Variants in SIVA1 observed in about 807,000 individuals in gnomAD.
SIVA1 encodes apoptosis regulatory protein Siva.
SIVA1 carries 10 observed loss-of-function variants against 19.7 expected under a neutral mutation model. The ratio of observed to expected loss-of-function variants is 0.51; its 90% confidence interval spans 0.31 to 0.86. The LOEUF is 0.86. Ranked by LOEUF, SIVA1 falls within the 40% of genes least tolerant of loss-of-function variation. The pLI, the probability that SIVA1 is intolerant of heterozygous loss-of-function variation, is 0.04. For synonymous variants in SIVA1, 130 were observed against 106.1 expected (o/e 1.23, Z -1.39); for missense variants, 241 against 245.2 (o/e 0.98, Z 0.11).
In SIVA1 at chr14:104,759,603, T is replaced by C. The variant is rs1892018921; in HGVS notation, c.*118T>C. 2.9e-6 allele frequency: 2 copies of C among 696,468 alleles called. No homozygotes were observed. The highest frequency in any genetic ancestry group is 4.9e-6 in the Non-Finnish European group (2 of 406,068). 43.1% of individuals were successfully genotyped at this position (696,468 alleles called of 1,614,324 possible). A position where few individuals can be genotyped will look rare whatever the true frequency, so the allele number is the denominator to read the frequency against. ...GTCGACGGGAGGGGTGCCTTTTACA[T>C]GTTCTATTTTGTATCCTAATGACAG... is the stretch of plus-strand genomic sequence containing the variant. On this transcript the variant is annotated 3_prime_UTR_variant, in exon 4 of 4. Coordinates refer to ENST00000329967, the MANE Select transcript of SIVA1 (RefSeq NM_006427.4). This position sits in a 1 kb window ranked among gnomAD's most constrained non-coding sequence, Gnocchi z 4.2.
In SIVA1 at chr14:104,759,595, C is replaced by T; in HGVS notation, c.*110C>T. ...ACTGTGGGGTCGACGGGAGGGGTGC[C>T]TTTTACATGTTCTATTTTGTATCCT... On this transcript the variant is annotated 3_prime_UTR_variant, in exon 4 of 4. Transcript: ENST00000329967. The surrounding 1 kb of genome is among the most constrained non-coding windows in gnomAD (Gnocchi z 4.2). The T allele has an allele frequency of 1.3e-6, 1 of 767,722 alleles. No individual in the cohort carries two copies. The highest frequency in any genetic ancestry group is 2.2e-6 in the Non-Finnish European group (1 of 461,036). 47.6% of individuals were successfully genotyped at this position (767,722 alleles called of 1,614,324 possible).
chr14:104,757,308 G>A (rs1193120350), intron 3 of SIVA1: 1 of 440,262 alleles, frequency 2.3e-6, no homozygotes, highest in East Asian at 7.6e-5. Flanking sequence ...AGTGGACAGT[G>A]TGGAGCCTGT....
At chr14:104,753,802 C>T (rs1445110809) in intron 1 of SIVA1, 2 of 454,100 alleles carry the variant, frequency 4.4e-6, no homozygotes, top group Non-Finnish European at 8.9e-6. Context: ...GCAGGCAAGA[C>T]AGATGTGCCC....
rs182158343 is a variant in SIVA1 at position 104,753,509 on chromosome 14, G to T, written c.118+190G>T. On this transcript the variant is annotated intron_variant, in intron 1 of 3. Coordinates refer to ENST00000329967, the MANE Select transcript of SIVA1 (RefSeq NM_006427.4). ...GGGCTGGGGTCAGTGAGGGGGATGTGAGGACCCCAGCGTTCGCCCACCCTG... is the reference window on the plus strand; with the variant it reads ...GGGCTGGGGTCAGTGAGGGGGATGTTAGGACCCCAGCGTTCGCCCACCCTG... Among the ~76,000 whole-genome samples the T allele has an allele frequency of 2.3e-3, 353 of 152,296 alleles. 2 individuals carry two copies. Among genetic ancestry groups the T allele is most frequent in the Admixed American group, 4.0e-3 (61 of 15,314 alleles).
rs550067740 is a variant in SIVA1 at position 104,756,645 on chromosome 14, C to T, written c.355C>T (p.Arg119Ter). 16 of 1,614,200 alleles carry T rather than the reference C, an allele frequency of 9.9e-6. No individual in the cohort carries two copies. The Admixed American group carries it at 1.5e-4, about 15-fold the overall frequency. ...GTCCATTGCCTGTTCCTCATGCGTG[C>T]GAGCCGTGGATGGGAAGGCGGTCTG... is the stretch of plus-strand genomic sequence containing the variant. ...VASIACSSCV[R>*]AVDGKAVCGQ... Residue 119 changes from arginine (R) to a stop codon, truncating the protein, a stop_gained, in exon 3 of 4, where the codon CGA (arginine) becomes TGA (stop). Coordinates refer to ENST00000329967, the MANE Select transcript of SIVA1 (RefSeq NM_006427.4). LOFTEE classifies it high-confidence loss of function.
At chr14:104,756,087 C>T (rs1241857467) in intron 2 of SIVA1, 5 of 605,618 alleles carry the variant, frequency 8.3e-6, no homozygotes, top group African/African-American at 1.9e-5. Context: ...CCTGCAGCCC[C>T]CTCAGATAGT....
chr14:104,756,217 T>A (rs1232868609), intron 2 of SIVA1: 11 of 436,024 alleles, frequency 2.5e-5, no homozygotes, highest in Non-Finnish European at 3.4e-5. Context: ...TTGGTGTGTC[T>A]AGGAGGAGCC....
At chr14:104,757,310 G>T (rs1891926740) in intron 3 of SIVA1, 2 of 439,542 alleles carry the variant, frequency 4.6e-6, no homozygotes, top group African/African-American at 4.1e-5. Context: ...TGGACAGTGT[G>T]GAGCCTGTTT....
At chr14:104,753,750 C>T (rs1474360303) in intron 1 of SIVA1, 2 of 453,176 alleles carry the variant, frequency 4.4e-6, no homozygotes, top group South Asian at 1.6e-5. Flanking sequence ...TCATGGAGCG[C>T]GCGGCCCTGC....
In SIVA1 at chr14:104,759,638, AC is replaced by A; in HGVS notation, c.*155del. The A allele has an allele frequency of 1.7e-6, 1 of 573,028 alleles. No homozygotes were observed. The highest frequency in any genetic ancestry group is 3.1e-5 in the East Asian group (1 of 32,572). The allele number at this position is 573,028 out of a possible 1,614,324, so 35.5% of individuals were successfully genotyped here. The stretch of plus-strand genomic sequence containing the variant: ...TGTATCCTAATGACAGAATGAATAA[AC>A]CTCTTTATATTTGCACAAGAGGACT... On this transcript the variant is annotated 3_prime_UTR_variant, in exon 4 of 4. Transcript: ENST00000329967. This position sits in a 1 kb window ranked among gnomAD's most constrained non-coding sequence, Gnocchi z 4.2.
intron 3 of SIVA1, chr14:104,758,650 CA>C (rs1891986907): frequency 6.6e-6 from 1 of 152,178 alleles, no homozygotes; most frequent in Admixed American, 6.5e-5. Context: ...CTAGCACGCC[CA>C]GCTAATTTTT....
intron 3 of SIVA1, chr14:104,757,553 GC>G (rs1200114216): frequency 6.1e-6 from 1 of 165,044 alleles, no homozygotes; most frequent in Non-Finnish European, 1.3e-5. Context: ...AGCGCCGCGT[GC>G]CAGTGATCGG....
rs572534582 is a variant in SIVA1 at position 104,756,725 on chromosome 14, C to T, written c.435C>T (p.Cys145=). 6.0e-5 allele frequency: 97 copies of T among 1,613,818 alleles called. 2 individuals carry two copies. In the South Asian group the frequency reaches 9.8e-4, roughly 16 times the overall value. Residue 145 remains cysteine, a synonymous_variant, in exon 3 of 4, where the codon TGC becomes TGT. Transcript: ENST00000329967. ...AGTGTGTGCGCACCTGCTGGGGCTG[C>T]GGCTCCGTGGCCTGTACCCTGTGTG... ...CGQCVRTCWG[C]GSVACTLCGL...
At position 104,753,718 on chromosome 14, in the gene SIVA1, C is replaced by T. The variant is rs1350600068; in HGVS notation, c.118+399C>T. The T allele has an allele frequency of 9.2e-6, 4 of 436,636 alleles. No individual in the cohort carries two copies. In the Admixed American group the frequency reaches 9.8e-5, roughly 11 times the overall value. The allele number at this position is 436,636 out of a possible 1,614,324, so 27.0% of individuals were successfully genotyped here. A position where few individuals can be genotyped will look rare whatever the true frequency, so the allele number is the denominator to read the frequency against. On this transcript the variant is annotated intron_variant, in intron 1 of 3. Transcript: ENST00000329967. Reference sequence around the variant, plus strand: ...CTGCATGGAGTCAACCCGAAGAGTGCCCCTCCTGTCCCAAGAGGTATTCAT... The same window carrying T: ...CTGCATGGAGTCAACCCGAAGAGTGTCCCTCCTGTCCCAAGAGGTATTCAT...
In SIVA1 at chr14:104,755,626, C is replaced by T; in HGVS notation, c.119-4C>T. On this transcript the variant is annotated splice_polypyrimidine_tract_variant and splice_region_variant and intron_variant, in intron 1 of 3. Transcript: ENST00000329967. Reference sequence around the variant, plus strand: ...GGACGTGAGAATGATTTATCTTCCCCCAGAGAAGACCAAGCGACTCCTGTT... The same window carrying T: ...GGACGTGAGAATGATTTATCTTCCCTCAGAGAAGACCAAGCGACTCCTGTT... 6.2e-7 allele frequency: 1 copy of T among 1,610,158 alleles called. No homozygotes were observed. Among genetic ancestry groups the T allele is most frequent in the South Asian group, 1.1e-5 (1 of 90,740 alleles).
intron 2 of SIVA1, 153 bp downstream of exon 2, chr14:104,755,977 T>C (rs1427325516): frequency 5.3e-6 from 4 of 749,776 alleles, no homozygotes; most frequent in Admixed American, 2.0e-5. Context: ...GCTCCTGTTA[T>C]CAGGAGGTCT....
rs1476872293 is a variant in SIVA1, at chr14:104,753,335, G to T, written c.118+16G>T. ...GAGGTCTTCGGTGAGTGTCGGGCGG[G>T]CTGCCGAGGGTCCGCTGCGTCGGGG... is the stretch of plus-strand genomic sequence containing the variant. On this transcript the variant is annotated intron_variant, in intron 1 of 3. Transcript: ENST00000329967. 6.5e-7 allele frequency: 1 copy of T among 1,546,918 alleles called. No homozygotes were observed. The highest frequency in any genetic ancestry group is 1.8e-5 in the Admixed American group (1 of 56,802).
intron 3 of SIVA1, chr14:104,757,479 G>A (rs1595227619): frequency 4.1e-6 from 1 of 241,848 alleles, no homozygotes; most frequent in Non-Finnish European, 8.6e-6. Flanking sequence ...TTCTTCAGTC[G>A]GGGCAGAGGC....
At position 104,756,675 on chromosome 14, in the gene SIVA1, CAGTGTGAGCG is replaced by C; in HGVS notation, c.388_397del (p.Cys130ProfsTer93). 1 of 1,614,208 alleles carries C rather than the reference CAGTGTGAGCG, an allele frequency of 6.2e-7. No individual in the cohort carries two copies. Among genetic ancestry groups the C allele is most frequent in the Admixed American group, 1.7e-5 (1 of 60,026 alleles). On this transcript the variant is annotated frameshift_variant, in exon 3 of 4. Transcript: ENST00000329967. LOFTEE classifies it high-confidence loss of function. Reference sequence around the variant, plus strand: ...CGTGGATGGGAAGGCGGTCTGCGGTCAGTGTGAGCGAGCCCTGTGCGGGCAGTGTGTGCGC... The same window carrying C: ...CGTGGATGGGAAGGCGGTCTGCGGTCAGCCCTGTGCGGGCAGTGTGTGCGC...
Sources: allele counts gnomAD v4.1 joint callset (sites outside exome capture counted in the v4.1 genomes callset), GRCh38; gene constraint gnomAD v4.1.1; non-coding constraint Gnocchi (gnomAD v3.1); transcripts MANE v1.5; gene names NCBI Gene and HGNC (gene_info 2026-07-23, HGNC 2026-07-21).